Variants in SCAMP4 observed in about 807,000 individuals in gnomAD.
SCAMP4 encodes secretory carrier membrane protein 4, also known as secretory carrier-associated membrane protein 4.
Under a neutral mutation model 32.1 loss-of-function variants are expected in SCAMP4, and 19 were observed. The ratio of observed to expected loss-of-function variants is 0.59; its 90% CI spans 0.41 to 0.87. The LOEUF is 0.87. SCAMP4 is among the 40% of genes least tolerant of loss of function. The pLI is 0.00. For synonymous variants in SCAMP4, 152 were observed against 132.7 expected (o/e 1.15, Z -1.00); for missense variants, 302 against 309.0 (o/e 0.98, Z 0.17).
chr19:1,922,899 G>C (rs575007750), intron 5 of SCAMP4, 171 bp from the exon 6 acceptor site: 16 of 1,337,950 alleles, frequency 1.2e-5, no homozygotes, highest in Non-Finnish European at 1.5e-5. Context: ...CGTTGAAGTT[G>C]GTGCCTCTCA....
chr19:1,912,101 G>C lies in SCAMP4; in HGVS notation c.-41-2878G>C, dbSNP rs2013484636. 1 of 1,505,866 alleles carries C rather than the reference G, an allele frequency of 6.6e-7. No individual in the cohort carries two copies. Among genetic ancestry groups the C allele is most frequent in the South Asian group, 1.3e-5 (1 of 78,612 alleles). The allele number at this position is 1,505,866 out of a possible 1,614,324, so 93.3% of individuals were successfully genotyped here. A position where few individuals can be genotyped will look rare whatever the true frequency, so the allele number is the denominator to read the frequency against. On this transcript the variant is annotated intron_variant, in intron 1 of 6. Coordinates refer to ENST00000316097, the MANE Select transcript of SCAMP4 (RefSeq NM_079834.4). ...CACAGTCGGCCTCGCTGAGGATGGA[G>C]CCCGCCCCGGGCCTCGTGGAGCAGC...
chr19:1,924,541 G>A lies in SCAMP4; in HGVS notation c.*257G>A. On this transcript the variant is annotated 3_prime_UTR_variant, in exon 7 of 7. Coordinates refer to ENST00000316097, the MANE Select transcript of SCAMP4 (RefSeq NM_079834.4). ...TCCACAGGACGCCCTCTTGCTCCCG[G>A]AAACGTGTGGTCACCCGCCGTCCAC... The A allele has an allele frequency of 1.9e-6, 1 of 525,688 alleles. No individual in the cohort carries two copies. Among genetic ancestry groups the A allele is most frequent in the Non-Finnish European group, 3.5e-6 (1 of 287,334 alleles). The allele number at this position is 525,688 out of a possible 1,614,324, so 32.6% of individuals were successfully genotyped here.
chr19:1,923,821 T>C (rs1218269508), intron 6 of SCAMP4, among the ~76,000 whole-genome samples: 6 of 125,706 alleles, frequency 4.8e-5, no homozygotes, highest in Non-Finnish European at 9.8e-5. Context: ...GAGACAGGTT[T>C]TCACCGTGTT....
At chr19:1,920,661 A>C in intron 5 of SCAMP4, 2 of 985,446 alleles carry the variant, frequency 2.0e-6, no homozygotes, top group Middle Eastern at 5.2e-4. Context: ...CTGTGGCTGC[A>C]GGTCAAGGCA....
intron 1 of SCAMP4, among the ~76,000 whole-genome samples, chr19:1,914,269 G>A (rs960104144): frequency 6.6e-6 from 1 of 152,178 alleles, no homozygotes; most frequent in South Asian, 2.1e-4. Flanking sequence ...CCCACCCCAC[G>A]GTGACATGTT....
chr19:1,920,688 G>A (rs1003608884), intron 5 of SCAMP4: 3 of 985,312 alleles, frequency 3.0e-6, no homozygotes, highest in African/African-American at 1.7e-5. Flanking sequence ...GTCATCCTCC[G>A]AGTCCTCCTG....
chr19:1,913,552 G>A (rs562684708), intron 1 of SCAMP4: 4 of 224,328 alleles, frequency 1.8e-5, no homozygotes, highest in East Asian at 2.7e-4. Flanking sequence ...GCTGAGCCAC[G>A]TGTGGTCAGA....
chr19:1,919,781 G>A (rs892090835), intron 5 of SCAMP4, among the ~76,000 whole-genome samples: 2 of 151,584 alleles, frequency 1.3e-5, no homozygotes, highest in African/African-American at 4.8e-5. Flanking sequence ...TTACAGGTGT[G>A]AGCCACTGCA....
At chr19:1,924,058 C>T (rs761656258) in intron 6 of SCAMP4, 50 bp from the exon 7 acceptor site, 24 of 1,538,146 alleles carry the variant, frequency 1.6e-5, no homozygotes, top group Middle Eastern at 1.7e-4. Flanking sequence ...CCGTGCCCGG[C>T]CGCCATGCTC....
intron 2 of SCAMP4, 135 bp downstream of exon 2, chr19:1,915,161 C>T (rs975934011): frequency 9.6e-7 from 1 of 1,041,128 alleles, no homozygotes; most frequent in African/African-American, 1.6e-5. Flanking sequence ...CTCCTCGGGT[C>T]CCGTAGCCCA....
At position 1,924,524 on chromosome 19, in the gene SCAMP4, A is replaced by G. The variant is rs1053397483; in HGVS notation, c.*240A>G. 3 of 547,664 alleles carry G rather than the reference A, an allele frequency of 5.5e-6. No homozygotes were observed. The highest frequency in any genetic ancestry group is 3.8e-5 in the African/African-American group (2 of 52,950). 33.9% of individuals were successfully genotyped at this position (547,664 alleles called of 1,614,324 possible). A position where few individuals can be genotyped will look rare whatever the true frequency, so the allele number is the denominator to read the frequency against. On this transcript the variant is annotated 3_prime_UTR_variant, in exon 7 of 7. Transcript: ENST00000316097. Reference sequence around the variant, plus strand: ...GCCCTTGGCCTCTGCCGTCCACAGGACGCCCTCTTGCTCCCGGAAACGTGT... The same window carrying G: ...GCCCTTGGCCTCTGCCGTCCACAGGGCGCCCTCTTGCTCCCGGAAACGTGT...
At chr19:1,920,821 G>C (rs142601862) in intron 5 of SCAMP4, 1 of 985,414 alleles carries the variant, frequency 1.0e-6, no homozygotes, top group East Asian at 1.1e-4. Context: ...GCCTGTGCCC[G>C]TGTTGGGTGG....
Position 1,924,681 on chromosome 19 carries a change from G to A in SCAMP4, c.*397G>A, listed in dbSNP as rs1000964022. The A allele has an allele frequency of 5.1e-5, 11 of 216,560 alleles. No homozygotes were observed. Among genetic ancestry groups the A allele is most frequent in the Admixed American group, 2.0e-4 (4 of 20,462 alleles). The allele number at this position is 216,560 out of a possible 1,614,324, so 13.4% of individuals were successfully genotyped here. A position where few individuals can be genotyped will look rare whatever the true frequency, so the allele number is the denominator to read the frequency against. On this transcript the variant is annotated 3_prime_UTR_variant, in exon 7 of 7. Transcript: ENST00000316097. Reference sequence around the variant, plus strand: ...GAGCTGCTGGCGCTGAGGTCAGAGCGGGTCTGATGGGGAGCTCCGTCTCAC... The same window carrying A: ...GAGCTGCTGGCGCTGAGGTCAGAGCAGGTCTGATGGGGAGCTCCGTCTCAC...
At chr19:1,911,888 A>G in intron 1 of SCAMP4, 1 of 849,800 alleles carries the variant, frequency 1.2e-6, no homozygotes, top group Non-Finnish European at 1.7e-6. Flanking sequence ...TGTGCACACC[A>G]GGGGTTAGCA....
chr19:1,911,249 G>A (rs1298787685), intron 1 of SCAMP4, among the ~76,000 whole-genome samples: 1 of 151,864 alleles, frequency 6.6e-6, no homozygotes, highest in East Asian at 1.9e-4. Flanking sequence ...GTAGCTCACT[G>A]CAGCCTTGAA....
rs765940802 is a variant in SCAMP4 at position 1,922,135 on chromosome 19, G to A, written c.396-935G>A. The stretch of plus-strand genomic sequence containing the variant: ...CCTGTTAAGACAAAAATCTCAAAAT[G>A]ACTGTTTTCTGCCTCCTGGGTCTCA... On this transcript the variant is annotated intron_variant, in intron 5 of 6. Coordinates refer to ENST00000316097, the MANE Select transcript of SCAMP4 (RefSeq NM_079834.4). 17 of 985,468 alleles carry A rather than the reference G, an allele frequency of 1.7e-5. 1 individual carries two copies. In the South Asian group the frequency reaches 5.6e-4, roughly 33 times the overall value. 61.0% of individuals were successfully genotyped at this position (985,468 alleles called of 1,614,324 possible). A position where few individuals can be genotyped will look rare whatever the true frequency, so the allele number is the denominator to read the frequency against.
intron 1 of SCAMP4, chr19:1,912,139 A>G: frequency 6.4e-7 from 1 of 1,559,010 alleles, no homozygotes; most frequent in Non-Finnish European, 8.6e-7. Flanking sequence ...AAGTGCTTGG[A>G]GGCCGGGAGC....
chr19:1,909,002 G>T (rs1366309407), intron 1 of SCAMP4, among the ~76,000 whole-genome samples: 1 of 151,516 alleles, frequency 6.6e-6, no homozygotes, highest in African/African-American at 2.5e-5. Context: ...CTACTAGGGG[G>T]GCTGAGGCAG....
chr19:1,918,325 C>A, intron 4 of SCAMP4, 42 bp downstream of exon 4: 2 of 1,535,936 alleles, frequency 1.3e-6, no homozygotes, highest in Non-Finnish European at 1.7e-6. Flanking sequence ...CAGAGGGAAC[C>A]AGGGCCCACT....
Sources: gnomAD v4.1 joint callset for allele counts (sites outside exome capture counted in the v4.1 genomes callset) on GRCh38, gnomAD v4.1.1 for gene constraint, MANE v1.5 for transcripts, NCBI Gene and HGNC (gene_info 2026-07-23, HGNC 2026-07-21) for gene names.